Variants in KCNH7 observed in about 807,000 individuals in gnomAD.
The protein encoded by KCNH7 is voltage-gated inwardly rectifying potassium channel KCNH7.
In KCNH7, 49 loss-of-function variants were observed where a neutral mutation model predicts 120.8. The observed-to-expected ratio is 0.41, with a 90% confidence interval of 0.32 to 0.51. The LOEUF is 0.51. Among genes scored for constraint, KCNH7 ranks in the 20% least tolerant of loss-of-function variants. KCNH7 has a pLI of 0.38. For missense variants in KCNH7, 1,097 were observed against 1,446.6 expected (o/e 0.76, Z 3.92); for synonymous variants, 547 against 516.1 (o/e 1.06, Z -0.81).
chr2:162,720,937 G>T (rs982773088), intron 2 of KCNH7, among the ~76,000 whole-genome samples: 6 of 152,102 alleles, frequency 3.9e-5, no homozygotes, highest in Non-Finnish European at 8.8e-5. Context: ...TGCCTTATTA[G>T]CATTTTCTCT....
intron 3 of KCNH7, among the ~76,000 whole-genome samples, chr2:162,529,206 A>T (rs1009131481): frequency 1.3e-5 from 2 of 152,002 alleles, no homozygotes; most frequent in East Asian, 3.9e-4. Context: ...GTAAACAATG[A>T]GTTTGCCTAA....
intron 2 of KCNH7, among the ~76,000 whole-genome samples, chr2:162,781,127 T>C (rs893324843): frequency 2.4e-4 from 37 of 152,210 alleles, no homozygotes; most frequent in African/African-American, 8.7e-4. Flanking sequence ...GTTTGAAGTA[T>C]TATATACCAA....
intron 2 of KCNH7, among the ~76,000 whole-genome samples, chr2:162,584,094 A>G (rs1693955210): frequency 6.6e-6 from 1 of 152,148 alleles, no homozygotes; most frequent in Non-Finnish European, 1.5e-5. Flanking sequence ...ATTTATAGTT[A>G]CTTACTGCAT....
At chr2:162,672,457 G>T (rs372888848) in intron 2 of KCNH7, among the ~76,000 whole-genome samples, 1 of 151,836 alleles carries the variant, frequency 6.6e-6, no homozygotes. Context: ...ACTTGAAAAC[G>T]ACCAATAACA....
chr2:162,823,481 T>G (rs1685184990), intron 2 of KCNH7, among the ~76,000 whole-genome samples: 1 of 152,202 alleles, frequency 6.6e-6, no homozygotes, highest in Non-Finnish European at 1.5e-5. Context: ...GGATCTGATT[T>G]CTGCCTTGAG....
rs541072306 is a variant in KCNH7 at position 162,391,123 on chromosome 2, G to T, written c.2710+3266C>A. Among the ~76,000 whole-genome samples the T allele has an allele frequency of 3.3e-5, 5 of 152,052 alleles. No individual in the cohort carries two copies. The South Asian group carries it at 1.0e-3, about 32-fold the overall frequency. ...CTCTCTGGTTCTTGATGCCACTGCTGATTTACAGGCAACAGCACTCTTGAA... is the reference window on the plus strand; with the variant it reads ...CTCTCTGGTTCTTGATGCCACTGCTTATTTACAGGCAACAGCACTCTTGAA... On this transcript the variant is annotated intron_variant, in intron 12 of 15. Transcript: ENST00000332142.
rs148750096 is a variant in KCNH7 at position 162,771,996 on chromosome 2, G to A, written c.307+64541C>T. 68 of 152,270 alleles carry A rather than the reference G, an allele frequency of 4.5e-4. 1 individual carries two copies. Among genetic ancestry groups the A allele is most frequent in the African/African-American group, 1.5e-3 (63 of 41,558 alleles). The allele number at this position is 152,270 out of a possible 1,614,324, so 9.4% of individuals were successfully genotyped here. ...TTGAAGTCACCAGCTTAACAGGTAA[G>A]CCTACAGGCTAAGGCAGAAAAGTAT... On this transcript the variant is annotated intron_variant, in intron 2 of 15. Transcript: ENST00000332142.
intron 2 of KCNH7, among the ~76,000 whole-genome samples, chr2:162,641,860 T>A (rs569364054): frequency 1.8e-4 from 27 of 146,126 alleles, no homozygotes; most frequent in African/African-American, 4.2e-4. Context: ...GCATTTTTTT[T>A]ATAATTATCC....
chr2:162,727,508 C>T (rs1687574136), intron 2 of KCNH7, among the ~76,000 whole-genome samples: 2 of 152,034 alleles, frequency 1.3e-5, no homozygotes, highest in Non-Finnish European at 2.9e-5. Flanking sequence ...ACCCATAGTC[C>T]CAGACGTTCA....
intron 2 of KCNH7, among the ~76,000 whole-genome samples, chr2:162,559,347 A>T (rs1692981495): frequency 6.6e-6 from 1 of 152,192 alleles, no homozygotes; most frequent in Admixed American, 6.5e-5. Flanking sequence ...CTAATAAATC[A>T]TGCAGAGAAA....
At chr2:162,465,747 A>T (rs1392717610) in intron 6 of KCNH7, among the ~76,000 whole-genome samples, 2 of 152,212 alleles carry the variant, frequency 1.3e-5, no homozygotes, top group Non-Finnish European at 2.9e-5. Flanking sequence ...TCCATTAAGT[A>T]TCATGTAAAG....
intron 2 of KCNH7, among the ~76,000 whole-genome samples, chr2:162,627,695 G>T (rs932658554): frequency 6.6e-6 from 1 of 152,112 alleles, no homozygotes; most frequent in Non-Finnish European, 1.5e-5. Context: ...TCAGTGGTTG[G>T]CTTGGACCCT....
At chr2:162,436,944 T>C (rs1688259899) in intron 7 of KCNH7, among the ~76,000 whole-genome samples, 1 of 151,800 alleles carries the variant, frequency 6.6e-6, no homozygotes, top group South Asian at 2.1e-4. Flanking sequence ...ACTCGGCCTA[T>C]ACAAAAAATT....
chr2:162,766,801 A>C (rs899586072), intron 2 of KCNH7, among the ~76,000 whole-genome samples: 2 of 149,308 alleles, frequency 1.3e-5, no homozygotes, highest in Non-Finnish European at 3.0e-5. Context: ...TTCTCCAGAG[A>C]AGATTTGATG....
At chr2:162,774,754 C>G (rs565301587) in intron 2 of KCNH7, among the ~76,000 whole-genome samples, 9 of 152,076 alleles carry the variant, frequency 5.9e-5, no homozygotes, top group African/African-American at 2.2e-4. Context: ...TAATTCTACC[C>G]CACTGAAATA....
intron 2 of KCNH7, among the ~76,000 whole-genome samples, chr2:162,694,954 G>T (rs1686238807): frequency 6.6e-6 from 1 of 151,978 alleles, no homozygotes; most frequent in Admixed American, 6.6e-5. Flanking sequence ...TATTGGCCAG[G>T]CTGATCTTGA....
chr2:162,396,631 G>C (rs1379553722), intron 11 of KCNH7, 109 bp downstream of exon 11: 1 of 740,800 alleles, frequency 1.3e-6, no homozygotes, highest in Non-Finnish European at 2.2e-6. Flanking sequence ...ATTCAGAATT[G>C]GTAAAGTCTT....
chr2:162,564,874 T>A (rs897356539), intron 2 of KCNH7, among the ~76,000 whole-genome samples: 1 of 152,144 alleles, frequency 6.6e-6, no homozygotes, highest in African/African-American at 2.4e-5. Flanking sequence ...TGGAAAATCA[T>A]AATTTTTTAT....
intron 2 of KCNH7, among the ~76,000 whole-genome samples, chr2:162,703,188 G>A (rs1686575569): frequency 6.6e-6 from 1 of 151,820 alleles, no homozygotes; most frequent in African/African-American, 2.4e-5. Context: ...CACACAATAG[G>A]CAATACCTAA....
Sources: gnomAD v4.1 joint callset for allele counts (sites outside exome capture counted in the v4.1 genomes callset) on GRCh38, gnomAD v4.1.1 for gene constraint, MANE v1.5 for transcripts, NCBI Gene and HGNC (gene_info 2026-07-23, HGNC 2026-07-21) for gene names.